Variants in RNF213 observed in about 807,000 individuals in gnomAD.
RNF213 encodes E3 ubiquitin-protein ligase RNF213.
In RNF213, 341 loss-of-function variants were observed where a neutral mutation model predicts 514.4. That is an observed-to-expected ratio of 0.66 (90% CI 0.61 to 0.73). The LOEUF (loss-of-function observed/expected upper bound fraction) is 0.73. Among genes scored for constraint, RNF213 ranks in the 30% least tolerant of loss-of-function variants. RNF213 has a pLI of 0.00. For missense variants in RNF213, 5,767 were observed against 6,615.6 expected, an observed-to-expected ratio of 0.87 and a Z score of 4.45; for synonymous variants, 2,655 against 2,658.2, an observed-to-expected ratio of 1.00 and a Z score of 0.04.
intron 17 of RNF213, chr17:80,319,821 A>G: frequency 2.5e-6 from 3 of 1,208,960 alleles, no homozygotes; most frequent in Non-Finnish European, 3.1e-6. Flanking sequence ...ATGCCACATG[A>G]GGAAGCTCCC....
intron 31 of RNF213, 135 bp from the exon 32 acceptor site, chr17:80,351,550 C>T (rs376175150): frequency 8.0e-6 from 5 of 625,092 alleles, no homozygotes; most frequent in African/African-American, 1.9e-5. Flanking sequence ...CTCATCGGAA[C>T]GGGTGGCCGT....
At chr17:80,319,045 G>A in intron 16 of RNF213, 145 bp from the exon 17 acceptor site, 8 of 1,575,026 alleles carry the variant, frequency 5.1e-6, no homozygotes, top group Non-Finnish European at 6.9e-6. Context: ...GGGAGGACAT[G>A]CTTTGCGTGG....
chr17:80,334,293 C>G, intron 22 of RNF213, 23 bp downstream of exon 22: 1 of 1,518,162 alleles, frequency 6.6e-7, no homozygotes, highest in Non-Finnish European at 8.8e-7. Context: ...TTTGGGGTTG[C>G]GTGGAAGTGT....
chr17:80,340,212 T>G lies in RNF213; in HGVS notation c.5845T>G (p.Phe1949Val), dbSNP rs767321816. 1 of 1,613,980 alleles carries G rather than the reference T, an allele frequency of 6.2e-7. No individual in the cohort carries two copies. The highest frequency in any genetic ancestry group is 2.2e-5 in the East Asian group (1 of 44,878). Residue 1949 changes from phenylalanine to valine, a missense_variant, in exon 26 of 68, where the codon TTC becomes GTC. Coordinates refer to ENST00000582970, the MANE Select transcript of RNF213 (RefSeq NM_001256071.3). ...CTCTGCCTTCAGCCAGCACAAGGTCTTCGTCACCCCCCAGGCACCCCTCGA... is the reference window on the plus strand; with the variant it reads ...CTCTGCCTTCAGCCAGCACAAGGTCGTCGTCACCCCCCAGGCACCCCTCGA... ...LPSAFSQHKV[F>V]VTPQAPLEAI...
rs778252080 is a variant in RNF213, at chr17:80,345,577, C to T, written c.7242C>T (p.Ile2414=). The T allele has an allele frequency of 3.1e-5, 50 of 1,613,566 alleles. 1 individual carries two copies. In the Admixed American group the frequency reaches 8.2e-4, roughly 26 times the overall value. The part of the protein sequence containing the change: ...LAIEMRFRCG[I]PVIIMGETGC... ...TCGAGATGCGGTTCCGGTGTGGGAT[C>T]CCGGTTATCATCATGGGAGAAACTG... The change falls in exon 29 of 68, where the codon ATC becomes ATT. Residue 2414 remains isoleucine (I), a synonymous_variant. Transcript: ENST00000582970. The surrounding 1 kb of genome is among the most constrained non-coding windows in gnomAD (Gnocchi z 6.0).
intron 39 of RNF213, 138 bp downstream of exon 39, chr17:80,362,026 G>A (rs2079074897): frequency 2.0e-6 from 2 of 1,000,410 alleles, no homozygotes; most frequent in Non-Finnish European, 3.0e-6. Context: ...AGCGAAGGGT[G>A]CCGGTGGGTG....
chr17:80,303,946 G>T (rs1256801506), intron 11 of RNF213, among the ~76,000 whole-genome samples: 3 of 149,284 alleles, frequency 2.0e-5, no homozygotes, highest in Non-Finnish European at 4.4e-5. Context: ...CTCAGCCCCT[G>T]ATAACAGAAG....
chr17:80,362,010 A>G (rs1206214052), intron 39 of RNF213, 122 bp downstream of exon 39: 4 of 1,186,852 alleles, frequency 3.4e-6, no homozygotes, highest in East Asian at 2.6e-5. Flanking sequence ...GGAACAGAAC[A>G]TGGTCAGCGA....
In RNF213 at chr17:80,327,809, T is replaced by G. The variant is rs1420896487; in HGVS notation, c.3194-7T>G. ...CACTGTGTTAACTGTGTTCTTCATC[T>G]ATTCAGGAACCGACGAGAAAATACT... On this transcript the variant is annotated splice_region_variant and splice_polypyrimidine_tract_variant and intron_variant, in intron 18 of 67. Transcript: ENST00000582970. 6.5e-7 allele frequency: 1 copy of G among 1,532,774 alleles called. No individual in the cohort carries two copies. The highest frequency in any genetic ancestry group is 8.7e-7 in the Non-Finnish European group (1 of 1,143,376). The allele number at this position is 1,532,774 out of a possible 1,614,324, so 94.9% of individuals were successfully genotyped here. A position where few individuals can be genotyped will look rare whatever the true frequency, so the allele number is the denominator to read the frequency against.
Position 80,327,850 on chromosome 17 carries a change from G to C in RNF213, c.3228G>C (p.Glu1076Asp). ...AGAAAATACTAGCAAATGTCACAGA[G>C]GATGCCAAGAGGCTGATAGCTGTTG... ...TDEKILANVT[E>D]DAKRLIAVAD... Residue 1076 changes from glutamate (E) to aspartate (D), a missense_variant, in exon 19 of 68, where the codon GAG (glutamate) becomes GAC (aspartate). Around this residue, in one of 13 missense-constraint regions of RNF213, gnomAD observed 516 missense variants for 566.5 expected, o/e 0.91. Transcript: ENST00000582970. 6.5e-7 allele frequency: 1 copy of C among 1,537,144 alleles called. No homozygotes were observed.
rs2045976050 is a variant in RNF213, at chr17:80,317,188, G to A, written c.2812G>A (p.Val938Ile). The A allele has an allele frequency of 1.9e-6, 3 of 1,611,646 alleles. No individual in the cohort carries two copies. The highest frequency in any genetic ancestry group is 2.5e-6 in the Non-Finnish European group (3 of 1,179,522). Residue 938 changes from valine (V) to isoleucine (I), a missense_variant and splice_region_variant, in exon 16 of 68, where the codon GTC (valine) becomes ATC (isoleucine). This residue lies in a region of RNF213 where 592 missense variants were observed against 673.9 expected (regional missense o/e 0.88). Coordinates refer to ENST00000582970, the MANE Select transcript of RNF213 (RefSeq NM_001256071.3). This position sits in a 1 kb window ranked among gnomAD's most constrained non-coding sequence, Gnocchi z 4.1. ...ASFTYVKEIE[V>I]WRRLVEIQFP... ...TGTGACCTGTGTGCGGGTTTTGCAG[G>A]TCTGGAGGCGGCTGGTGGAAATCCA...
Position 80,343,512 on chromosome 17 carries a change from T to C in RNF213, c.6183+187T>C, listed in dbSNP as rs114386297. On this transcript the variant is annotated intron_variant, in intron 27 of 67. Transcript: ENST00000582970. This position sits in a 1 kb window ranked among gnomAD's most constrained non-coding sequence, Gnocchi z 4.3. ...TTTCCTCCTTGTGTGAACGTCATGG[T>C]GTGCGCTTACACTAACCTAGACGTA... Among the ~76,000 whole-genome samples the C allele has an allele frequency of 3.6e-3, 550 of 152,330 alleles. 8 individuals are homozygous for C. The highest frequency in any genetic ancestry group is 0.013 in the African/African-American group (531 of 41,566).
At chr17:80,294,661 C>T in intron 8 of RNF213, 59 bp from the exon 9 acceptor site, 3 of 1,593,568 alleles carry the variant, frequency 1.9e-6, no homozygotes, top group Non-Finnish European at 2.6e-6. Context: ...AGGCTAGTGT[C>T]TAGGTCTCCA....
At position 80,263,555 on chromosome 17, in the gene RNF213, T is replaced by C. The variant is rs948562144; in HGVS notation, c.-108-19T>C. The C allele has an allele frequency of 4.9e-6, 4 of 821,488 alleles. No homozygotes were observed. In the East Asian group the frequency reaches 1.0e-4, roughly 21 times the overall value. The allele number at this position is 821,488 out of a possible 1,614,324, so 50.9% of individuals were successfully genotyped here. A position where few individuals can be genotyped will look rare whatever the true frequency, so the allele number is the denominator to read the frequency against. ...TTAACCAGGGGACCAGCTGGGCTGC[T>C]GTGATTTCACTTTCGCAGAAAATGA... On this transcript the variant is annotated intron_variant, in intron 1 of 67. Transcript: ENST00000582970. The surrounding 1 kb of genome is among the most constrained non-coding windows in gnomAD (Gnocchi z 4.9).
chr17:80,273,218 C>T (rs1220137231), intron 2 of RNF213, 23 bp from the exon 3 acceptor site: 1 of 1,613,100 alleles, frequency 6.2e-7, no homozygotes, highest in Non-Finnish European at 8.5e-7. Flanking sequence ...GAGATCTGAC[C>T]CTTCCTTCAT....
At chr17:80,268,142 C>T (rs1038071809) in intron 2 of RNF213, among the ~76,000 whole-genome samples, 3 of 151,798 alleles carry the variant, frequency 2.0e-5, no homozygotes, top group Non-Finnish European at 4.4e-5. Flanking sequence ...TTTTTAAGGC[C>T]GAGTAGTGTT....
In RNF213 at chr17:80,337,578, C is replaced by T. The variant is rs2078024295; in HGVS notation, c.4528-8C>T. Reference sequence around the variant, plus strand: ...CGTGGCCCGTGTTCTCTCCTTTTGTCCCCATAGTGTGACTCCGCCAGGAAC... The same window carrying T: ...CGTGGCCCGTGTTCTCTCCTTTTGTTCCCATAGTGTGACTCCGCCAGGAAC... On this transcript the variant is annotated splice_region_variant and splice_polypyrimidine_tract_variant and intron_variant, in intron 23 of 67. Coordinates refer to ENST00000582970, the MANE Select transcript of RNF213 (RefSeq NM_001256071.3). 2.0e-6 allele frequency: 3 copies of T among 1,537,194 alleles called. No individual in the cohort carries two copies. Among genetic ancestry groups the T allele is most frequent in the Non-Finnish European group, 2.6e-6 (3 of 1,146,862 alleles).
intron 11 of RNF213, among the ~76,000 whole-genome samples, chr17:80,303,558 TTTTCTTTTC>T (rs1598963400): frequency 2.1e-5 from 3 of 144,524 alleles, no homozygotes; most frequent in East Asian, 1.9e-4. Context: ...TTCTTTTTTC[TTTTCTTTTC>T]TTTTTTTTTT....
At chr17:80,336,416 A>G (rs1599049031) in intron 23 of RNF213, 38 bp downstream of exon 23, 1 of 1,516,696 alleles carries the variant, frequency 6.6e-7, no homozygotes, top group Non-Finnish European at 8.9e-7. Context: ...ATTTTGTTGA[A>G]TAGAGCATTG....
Sources: gnomAD v4.1 joint callset for allele counts (sites outside exome capture counted in the v4.1 genomes callset) on GRCh38, gnomAD v4.1.1 for gene constraint, gnomAD v4.1.1 regional missense constraint, Gnocchi (gnomAD v3.1) non-coding constraint, MANE v1.5 for transcripts, NCBI Gene and HGNC (gene_info 2026-07-23, HGNC 2026-07-21) for gene names.